Variants in MAPK10 observed in about 807,000 individuals in gnomAD.
MAPK10 encodes the protein mitogen-activated protein kinase 10, also known as JNK3 alpha protein kinase.
MAPK10 carries 25 observed loss-of-function variants against 59.3 expected under a neutral mutation model. The ratio of observed to expected loss-of-function variants is 0.42; its 90% CI spans 0.31 to 0.59. The LOEUF is 0.59. Among genes scored for constraint, MAPK10 ranks in the 20% least tolerant of loss-of-function variants. The pLI, the probability that MAPK10 is intolerant of heterozygous loss-of-function variation, is 0.15. For synonymous variants in MAPK10, 190 were observed against 200.5 expected (o/e 0.95, Z 0.44); for missense variants, 351 against 568.9 (o/e 0.62, Z 3.90).
chr4:86,567,299 C>T (rs1216296398), intron 1 of MAPK10, among the ~76,000 whole-genome samples: 1 of 151,786 alleles, frequency 6.6e-6, no homozygotes, highest in Non-Finnish European at 1.5e-5. Flanking sequence ...CAGCTCACTG[C>T]AACCTCTGCC....
At chr4:86,031,061 G>T (rs979553774) in intron 12 of MAPK10, among the ~76,000 whole-genome samples, 1 of 152,072 alleles carries the variant, frequency 6.6e-6, no homozygotes, top group African/African-American at 2.4e-5. Flanking sequence ...CTGGAATTCT[G>T]AACTAAAGCT....
intron 2 of MAPK10, among the ~76,000 whole-genome samples, chr4:86,220,195 C>T (rs2089136643): frequency 1.3e-5 from 2 of 152,118 alleles, no homozygotes; most frequent in African/African-American, 4.8e-5. Flanking sequence ...GCTTTAATTT[C>T]ATCTGTGACA....
chr4:86,348,771 T>C (rs1011491406), intron 2 of MAPK10, among the ~76,000 whole-genome samples: 4 of 152,188 alleles, frequency 2.6e-5, no homozygotes, highest in Non-Finnish European at 4.4e-5. Flanking sequence ...CTAGCCTCTT[T>C]CATATGAAAG....
intron 1 of MAPK10, among the ~76,000 whole-genome samples, chr4:86,580,335 C>A (rs1447804400): frequency 6.6e-6 from 1 of 151,958 alleles, no homozygotes; most frequent in Non-Finnish European, 1.5e-5. Context: ...CCCGCTCCTA[C>A]TAAACATACA....
intron 2 of MAPK10, among the ~76,000 whole-genome samples, chr4:86,223,464 C>T (rs2090038925): frequency 2.0e-5 from 3 of 152,226 alleles, no homozygotes; most frequent in Non-Finnish European, 4.4e-5. Flanking sequence ...TCTGTGCTCT[C>T]CTGAGAATGG....
chr4:86,442,971 A>T (rs1485787787), intron 1 of MAPK10, among the ~76,000 whole-genome samples: 2 of 152,202 alleles, frequency 1.3e-5, no homozygotes, highest in Non-Finnish European at 2.9e-5. Context: ...TTTATGATCC[A>T]TCAGAGAAGG....
rs10525325 is a variant in MAPK10 at position 86,165,543 on chromosome 4, A to ATTTTT, written c.67-6081_67-6077dup. Among the ~76,000 whole-genome samples, 37 of 57,296 alleles carry ATTTTT rather than the reference A, an allele frequency of 6.5e-4. 5 individuals are homozygous for ATTTTT. Among genetic ancestry groups the ATTTTT allele is most frequent in the Admixed American group, 1.5e-3 (6 of 4,076 alleles). The allele number at this position is 57,296 out of a possible 152,430, so 37.6% of individuals were successfully genotyped here. On this transcript the variant is annotated intron_variant, in intron 3 of 13. Transcript: ENST00000641462. ...AGGCACATGCCACCACTCCCAGATAATTTTTTTTTTTTTTTTTTTTTTTTT... is the reference window on the plus strand; with the variant it reads ...AGGCACATGCCACCACTCCCAGATAATTTTTTTTTTTTTTTTTTTTTTTTTTTTTT...
intron 2 of MAPK10, among the ~76,000 whole-genome samples, chr4:86,317,888 C>T (rs1355958994): frequency 6.6e-6 from 1 of 152,150 alleles, no homozygotes; most frequent in Non-Finnish European, 1.5e-5. Context: ...CAGGACCATG[C>T]TCTCTCTGAA....
chr4:86,480,730 T>A (rs1173790476), intron 1 of MAPK10, among the ~76,000 whole-genome samples: 3 of 152,168 alleles, frequency 2.0e-5, no homozygotes, highest in Admixed American at 1.3e-4. Context: ...TCTTTCCTCA[T>A]CCATCATAAG....
rs997308913 is a variant in MAPK10, at chr4:86,013,946, G to A, written c.*3282C>T. 2 of 152,070 alleles carry A rather than the reference G, an allele frequency of 1.3e-5. No homozygotes were observed. Among genetic ancestry groups the A allele is most frequent in the Non-Finnish European group, 2.9e-5 (2 of 68,020 alleles). 9.4% of individuals were successfully genotyped at this position (152,070 alleles called of 1,614,324 possible). A position where few individuals can be genotyped will look rare whatever the true frequency, so the allele number is the denominator to read the frequency against. ...TGTATTCCTATTTAAAATTGAACACGCTGACCCACAAAACACATATAAAAA... is the reference window on the plus strand; with the variant it reads ...TGTATTCCTATTTAAAATTGAACACACTGACCCACAAAACACATATAAAAA... On this transcript the variant is annotated 3_prime_UTR_variant, in exon 14 of 14. Coordinates refer to ENST00000641462, the MANE Select transcript of MAPK10 (RefSeq NM_138982.4).
chr4:86,550,281 T>C (rs1464336215), intron 1 of MAPK10, among the ~76,000 whole-genome samples: 2 of 149,368 alleles, frequency 1.3e-5, no homozygotes, highest in South Asian at 2.1e-4. Flanking sequence ...TTTGGTGTGC[T>C]AGATCCACAG....
At chr4:86,534,035 T>C (rs1489203023) in intron 1 of MAPK10, among the ~76,000 whole-genome samples, 1 of 152,162 alleles carries the variant, frequency 6.6e-6, no homozygotes, top group African/African-American at 2.4e-5. Context: ...CCTGTTGCCA[T>C]AACCACTAAA....
intron 11 of MAPK10, among the ~76,000 whole-genome samples, chr4:86,038,606 A>G (rs2040842425): frequency 1.3e-5 from 2 of 152,072 alleles, no homozygotes; most frequent in South Asian, 4.1e-4. Context: ...TCACCAATTA[A>G]TTAGAAAATA....
chr4:86,150,745 C>G (rs1562366008), intron 4 of MAPK10, among the ~76,000 whole-genome samples: 1 of 152,120 alleles, frequency 6.6e-6, no homozygotes, highest in Non-Finnish European at 1.5e-5. Context: ...TCCTGTAGTC[C>G]CAGCTACTCA....
At position 86,531,843 on chromosome 4, in the gene MAPK10, G is replaced by C. The variant is rs374326292; in HGVS notation, c.-263+62067C>G. On this transcript the variant is annotated intron_variant, in intron 1 of 4. Transcript: ENST00000502302. ...AGATCCCACTTACCAGTAGGAAATG[G>C]TGACAGGAGCCACTCATCTCCAAAC... Among the ~76,000 whole-genome samples the C allele has an allele frequency of 2.2e-4, 33 of 152,156 alleles. 1 individual carries two copies. In the East Asian group the frequency reaches 6.4e-3, roughly 29 times the overall value.
rs946216662 is a variant in MAPK10 at position 86,242,791 on chromosome 4, A to G, written c.-6-48384T>C. Among the ~76,000 whole-genome samples, 9 of 152,330 alleles carry G rather than the reference A, an allele frequency of 5.9e-5. 2 individuals are homozygous for G. The highest frequency in any genetic ancestry group is 1.3e-4 in the Admixed American group (2 of 15,312). The stretch of plus-strand genomic sequence containing the variant: ...AGCATGTTAGGCAGTTTCGAGTCCC[A>G]GTGATGGCTGCTGCCCCTCCCCAAA... On this transcript the variant is annotated intron_variant, in intron 2 of 13. Coordinates refer to ENST00000641462, the MANE Select transcript of MAPK10 (RefSeq NM_138982.4).
chr4:86,339,602 A>G (rs1029662897), intron 2 of MAPK10, among the ~76,000 whole-genome samples: 1 of 152,230 alleles, frequency 6.6e-6, no homozygotes, highest in Admixed American at 6.5e-5. Context: ...TAATGGATAA[A>G]TGCACAGATT....
intron 1 of MAPK10, among the ~76,000 whole-genome samples, chr4:86,553,891 AT>A (rs55953008): frequency 0.063 from 9,291 of 146,470 alleles, 378 homozygotes; most frequent in African/African-American, 0.11. Flanking sequence ...CCACTTCTTA[AT>A]TTTTTTTTTT....
intron 2 of MAPK10, among the ~76,000 whole-genome samples, chr4:86,289,024 T>C (rs2095130508): frequency 6.6e-6 from 1 of 152,056 alleles, no homozygotes; most frequent in Non-Finnish European, 1.5e-5. Flanking sequence ...TGATGAAGGC[T>C]ATCAAGAAAG....
Sources: gnomAD v4.1 joint callset for allele counts (sites outside exome capture counted in the v4.1 genomes callset) on GRCh38, gnomAD v4.1.1 for gene constraint, MANE v1.5 for transcripts, NCBI Gene and HGNC (gene_info 2026-07-23, HGNC 2026-07-21) for gene names.